PHACTR1: variants seen among roughly 807,000 people sequenced by gnomAD.
PHACTR1 encodes RPEL repeat containing 1.
Under a neutral mutation model 69.2 loss-of-function variants are expected in PHACTR1, and 16 were observed. The ratio of observed to expected loss-of-function variants is 0.23; its 90% CI spans 0.16 to 0.35. The LOEUF is 0.35. Among genes scored for constraint, PHACTR1 ranks in the 10% least tolerant of loss-of-function variants. The pLI is 1.00. For missense variants in PHACTR1, 510 were observed against 734.7 expected, an observed-to-expected ratio of 0.69 and a Z score of 3.54; for synonymous variants, 312 against 284.5, an observed-to-expected ratio of 1.10 and a Z score of -0.97.
intron 3 of PHACTR1, among the ~76,000 whole-genome samples, chr6:12,726,716 C>A (rs1057220377): frequency 2.0e-5 from 3 of 152,184 alleles, no homozygotes; most frequent in Admixed American, 1.3e-4. Context: ...ACCTACAGGT[C>A]TGATTTGCTT....
intron 4 of PHACTR1, among the ~76,000 whole-genome samples, chr6:12,761,903 A>G (rs1466708546): frequency 1.3e-5 from 2 of 152,246 alleles, no homozygotes; most frequent in East Asian, 1.9e-4. Flanking sequence ...CTCAAACCAT[A>G]GAATGACACA....
intron 4 of PHACTR1, among the ~76,000 whole-genome samples, chr6:12,773,420 C>T (rs1350349571): frequency 6.6e-6 from 1 of 152,146 alleles, no homozygotes; most frequent in South Asian, 2.1e-4. Flanking sequence ...GTAACTTATA[C>T]CATCTAGCCT....
chr6:12,835,360 C>A (rs1778044408), intron 4 of PHACTR1, among the ~76,000 whole-genome samples: 1 of 152,080 alleles, frequency 6.6e-6, no homozygotes, highest in Admixed American at 6.6e-5. Context: ...GGTTGGACCG[C>A]TCCCTGGCCT....
In PHACTR1 at chr6:12,927,044, G is replaced by A. The variant is rs148392391; in HGVS notation, c.251-126321G>A. On this transcript the variant is annotated intron_variant, in intron 4 of 14. Coordinates refer to ENST00000332995, the MANE Select transcript of PHACTR1 (RefSeq NM_030948.6). The stretch of plus-strand genomic sequence containing the variant: ...CTGTAAAGATTTATTTCACTTTTCC[G>A]CAAGCAATACAGTAATCACAACTTT... 6.1e-3 allele frequency among the ~76,000 whole-genome samples: 933 copies of A among 152,230 alleles called. 12 individuals are homozygous for A. The highest frequency in any genetic ancestry group is 0.022 in the African/African-American group (896 of 41,522).
At chr6:13,193,776 T>A (rs1244099250) in intron 7 of PHACTR1, among the ~76,000 whole-genome samples, 3 of 152,098 alleles carry the variant, frequency 2.0e-5, no homozygotes, top group Admixed American at 6.6e-5. Flanking sequence ...GATGAATGTG[T>A]CGATGCTCAC....
At chr6:13,208,630 C>CG (rs1766295608) in intron 8 of PHACTR1, among the ~76,000 whole-genome samples, 1 of 145,166 alleles carries the variant, frequency 6.9e-6, no homozygotes, top group Non-Finnish European at 1.5e-5. Context: ...CATTGCTGCC[C>CG]ACCCCCCCAA....
In PHACTR1 at chr6:13,007,796, TCTC is replaced by T. The variant is rs575349399; in HGVS notation, c.251-45566_251-45564del. ...CTACAGGAATCATATTCTGGATAGT[TCTC>T]CTTCAATCACCTCTTTCTCCACCTG... On this transcript the variant is annotated intron_variant, in intron 4 of 14. Coordinates refer to ENST00000332995, the MANE Select transcript of PHACTR1 (RefSeq NM_030948.6). 3.9e-5 allele frequency among the ~76,000 whole-genome samples: 6 copies of T among 152,198 alleles called. No homozygotes were observed. The East Asian group carries it at 9.7e-4, about 25-fold the overall frequency.
Position 13,160,144 on chromosome 6 carries a change from T to C in PHACTR1, c.416-60T>C, listed in dbSNP as rs1758774899. The stretch of plus-strand genomic sequence containing the variant: ...TGCCATATGTGTTAACATAGGATCC[T>C]TTAGAAGACAACTTTGTTACCTACT... On this transcript the variant is annotated intron_variant, in intron 5 of 14. Coordinates refer to ENST00000332995, the MANE Select transcript of PHACTR1 (RefSeq NM_030948.6). 3 of 1,463,010 alleles carry C rather than the reference T, an allele frequency of 2.1e-6. No individual in the cohort carries two copies. The East Asian group carries it at 6.8e-5, about 33-fold the overall frequency. 90.6% of individuals were successfully genotyped at this position (1,463,010 alleles called of 1,614,324 possible). A position where few individuals can be genotyped will look rare whatever the true frequency, so the allele number is the denominator to read the frequency against.
Position 13,054,234 on chromosome 6 carries a change from A to C in PHACTR1, c.415+705A>C, listed in dbSNP as rs540462273. ...AATAGAAGTAAGAATAATACCTTAC[A>C]TGAGTTAATATTTGTGGAGAGTTTG... is the stretch of plus-strand genomic sequence containing the variant. On this transcript the variant is annotated intron_variant, in intron 5 of 14. Coordinates refer to ENST00000332995, the MANE Select transcript of PHACTR1 (RefSeq NM_030948.6). Among the ~76,000 whole-genome samples, 9 of 152,368 alleles carry C rather than the reference A, an allele frequency of 5.9e-5. No homozygotes were observed. In the South Asian group the frequency reaches 1.7e-3, roughly 28 times the overall value.
intron 4 of PHACTR1, among the ~76,000 whole-genome samples, chr6:12,774,767 G>A (rs1270098456): frequency 3.9e-5 from 6 of 152,210 alleles, no homozygotes; most frequent in Admixed American, 6.5e-5. Context: ...TTTAAATGCA[G>A]TATCACATCC....
intron 4 of PHACTR1, among the ~76,000 whole-genome samples, chr6:12,839,967 G>A (rs1299966587): frequency 1.3e-5 from 2 of 152,000 alleles, no homozygotes; most frequent in Non-Finnish European, 2.9e-5. Context: ...ACCAATGTAG[G>A]GGAATTAGAT....
chr6:12,802,411 T>C (rs895382118), intron 4 of PHACTR1, among the ~76,000 whole-genome samples: 2 of 152,028 alleles, frequency 1.3e-5, no homozygotes, highest in African/African-American at 2.4e-5. Context: ...GCAAATGGAA[T>C]ATATAATTAG....
chr6:13,103,135 G>T (rs1448730553), intron 5 of PHACTR1, among the ~76,000 whole-genome samples: 11 of 152,172 alleles, frequency 7.2e-5, no homozygotes, highest in Non-Finnish European at 1.6e-4. Flanking sequence ...CGCAAATGTG[G>T]CTTGGAAACA....
intron 4 of PHACTR1, among the ~76,000 whole-genome samples, chr6:12,848,537 G>T (rs1013585196): frequency 6.6e-6 from 1 of 152,188 alleles, no homozygotes; most frequent in Non-Finnish European, 1.5e-5. Context: ...CTAGAAAGGA[G>T]GGGAGGGGCA....
intron 4 of PHACTR1, among the ~76,000 whole-genome samples, chr6:12,835,268 GA>G (rs1398956639): frequency 6.6e-6 from 1 of 152,020 alleles, no homozygotes; most frequent in African/African-American, 2.4e-5. Flanking sequence ...GAAAAATGTG[GA>G]GAGAGGAAAA....
At chr6:12,717,257 C>G (rs922728357) in intron 1 of PHACTR1, among the ~76,000 whole-genome samples, 2 of 152,106 alleles carry the variant, frequency 1.3e-5, no homozygotes, top group Admixed American at 1.3e-4. Flanking sequence ...TTCTAGACAA[C>G]TTTTCTATAT....
chr6:12,856,491 A>G (rs1780382706), intron 4 of PHACTR1, among the ~76,000 whole-genome samples: 3 of 152,080 alleles, frequency 2.0e-5, no homozygotes, highest in Admixed American at 6.6e-5. Flanking sequence ...CTCCTGACCT[A>G]GTGATCCGTC....
At chr6:13,064,096 A>C (rs957036208) in intron 5 of PHACTR1, among the ~76,000 whole-genome samples, 1 of 152,192 alleles carries the variant, frequency 6.6e-6, no homozygotes, top group Non-Finnish European at 1.5e-5. Flanking sequence ...ATGATACCTC[A>C]TTCCTATCAC....
intron 4 of PHACTR1, among the ~76,000 whole-genome samples, chr6:12,935,302 A>G (rs1250142910): frequency 1.3e-5 from 2 of 152,020 alleles, no homozygotes; most frequent in African/African-American, 4.8e-5. Context: ...GGAGTGCAGT[A>G]GTACAATCTC....
Sources: gnomAD v4.1 joint callset for allele counts (sites outside exome capture counted in the v4.1 genomes callset) on GRCh38, gnomAD v4.1.1 for gene constraint, MANE v1.5 for transcripts, NCBI Gene and HGNC (gene_info 2026-07-23, HGNC 2026-07-21) for gene names.